Variants in CEP192 observed in about 807,000 individuals in gnomAD.
The protein encoded by CEP192 is centrosomal protein 192, also known as centrosomal protein of 192 kDa.
In CEP192, 151 loss-of-function variants were observed where a neutral mutation model predicts 271.8. The observed-to-expected ratio is 0.56, with a 90% CI of 0.49 to 0.64. The LOEUF is 0.64. CEP192 is among the 30% of genes least tolerant of loss of function. The pLI is 0.00. For synonymous variants in CEP192, 995 were observed against 1,076.5 expected, an observed-to-expected ratio of 0.92 and a Z score of 1.48; for missense variants, 2,910 against 3,020.5, an observed-to-expected ratio of 0.96 and a Z score of 0.86.
intron 1 of CEP192, among the ~76,000 whole-genome samples, chr18:12,994,073 C>T (rs2033059438): frequency 6.6e-6 from 1 of 152,316 alleles, no homozygotes; most frequent in Non-Finnish European, 1.5e-5. Flanking sequence ...CAGATACTTA[C>T]TGAGTACCTG....
At chr18:13,104,879 T>C in intron 39 of CEP192, 105 bp from the exon 40 acceptor site, 1 of 856,640 alleles carries the variant, frequency 1.2e-6, no homozygotes, top group Admixed American at 1.9e-5. Context: ...TGTCCACTGC[T>C]AAGTGTGTTG....
chr18:13,023,941 T>C (rs1339873075), intron 9 of CEP192, among the ~76,000 whole-genome samples: 2 of 152,226 alleles, frequency 1.3e-5, no homozygotes, highest in Non-Finnish European at 2.9e-5. Flanking sequence ...CGTGAGTTTT[T>C]TTCTGATAAG....
intron 9 of CEP192, among the ~76,000 whole-genome samples, chr18:13,027,525 C>T (rs757462446): frequency 7.9e-5 from 12 of 152,088 alleles, no homozygotes; most frequent in Non-Finnish European, 1.3e-4. Flanking sequence ...GGAGTATATC[C>T]CCTGGTATGT....
chr18:13,111,389 T>G (rs1232663367), intron 40 of CEP192, among the ~76,000 whole-genome samples: 1 of 152,182 alleles, frequency 6.6e-6, no homozygotes, highest in African/African-American at 2.4e-5. Flanking sequence ...CCTCCCAAAG[T>G]GCTGGGATTG....
At chr18:13,116,671 G>A (rs533041073) in intron 43 of CEP192, among the ~76,000 whole-genome samples, 168 bp downstream of exon 43, 1 of 152,216 alleles carries the variant, frequency 6.6e-6, no homozygotes, top group South Asian at 2.1e-4. Context: ...GTGCAGTGGT[G>A]CGATCTCGGC....
At chr18:13,073,642 C>T (rs475438) in intron 30 of CEP192, among the ~76,000 whole-genome samples, 62,226 of 151,926 alleles carry the variant, frequency 0.41, 12,816 homozygotes, top group Admixed American at 0.44. Flanking sequence ...GTTGGGAAGC[C>T]CAAGATTAGA....
intron 21 of CEP192, among the ~76,000 whole-genome samples, chr18:13,061,805 C>A (rs1269018216): frequency 2.6e-5 from 4 of 152,186 alleles, no homozygotes; most frequent in Non-Finnish European, 4.4e-5. Flanking sequence ...CGGCCCTGGC[C>A]TCTACCCACT....
intron 7 of CEP192, 121 bp from the exon 8 acceptor site, chr18:13,018,359 C>T (rs1486270521): frequency 7.1e-6 from 4 of 562,744 alleles, no homozygotes; most frequent in Non-Finnish European, 5.9e-6. Context: ...GTGACAATGG[C>T]GATTTTTCTA....
intron 38 of CEP192, 82 bp from the exon 39 acceptor site, chr18:13,103,427 T>G: frequency 3.0e-5 from 31 of 1,025,070 alleles, no homozygotes; most frequent in Non-Finnish European, 4.2e-5. Context: ...AACCCCAGTA[T>G]GAGGTAGTTA....
chr18:13,042,085 AT>A, intron 14 of CEP192, 118 bp from the exon 15 acceptor site: 1 of 729,968 alleles, frequency 1.4e-6, no homozygotes. Flanking sequence ...GGCAACTGAC[AT>A]TTGGGGTACA....
intron 30 of CEP192, among the ~76,000 whole-genome samples, chr18:13,078,299 A>C (rs2038397883): frequency 6.6e-6 from 1 of 152,174 alleles, no homozygotes; most frequent in South Asian, 2.1e-4. Flanking sequence ...TCTATGGTGT[A>C]TATGTGCCAC....
intron 33 of CEP192, among the ~76,000 whole-genome samples, chr18:13,090,681 C>G (rs1397907717): frequency 6.6e-6 from 1 of 152,098 alleles, no homozygotes; most frequent in African/African-American, 2.4e-5. Context: ...ATGGACTTGT[C>G]AGGAGTGTGC....
At chr18:13,105,456 A>T (rs2039906281) in intron 40 of CEP192, among the ~76,000 whole-genome samples, 1 of 152,244 alleles carries the variant, frequency 6.6e-6, no homozygotes, top group South Asian at 2.1e-4. Flanking sequence ...CCCTCCAGCT[A>T]CTATGACCCT....
In CEP192 at chr18:13,068,236, A is replaced by AG; in HGVS notation, c.4758+1dup. 1 of 1,614,012 alleles carries AG rather than the reference A, an allele frequency of 6.2e-7. No homozygotes were observed. Among genetic ancestry groups the AG allele is most frequent in the Non-Finnish European group, 8.5e-7 (1 of 1,179,822 alleles). On this transcript the variant is annotated frameshift_variant and splice_region_variant, in exon 23 of 45. Coordinates refer to ENST00000506447, the MANE Select transcript of CEP192 (RefSeq NM_032142.4). LOFTEE classifies it high-confidence loss of function. ...ATGATGCCTGCTAGTTATGATGGAC[A>AG]GGTGGGAGAGAACTGGCTTAGAATT...
chr18:13,071,818 A>G (rs894564607), intron 28 of CEP192, among the ~76,000 whole-genome samples: 2 of 152,160 alleles, frequency 1.3e-5, no homozygotes, highest in South Asian at 2.1e-4. Context: ...AAACAGTTAC[A>G]CTTCACTCAA....
intron 18 of CEP192, 137 bp downstream of exon 18, chr18:13,053,227 G>C: frequency 1.4e-6 from 1 of 734,394 alleles, no homozygotes; most frequent in Admixed American, 2.8e-5. Context: ...TTTTGTATTT[G>C]TGTGCACATA....
chr18:13,086,288 G>A (rs918656654), intron 30 of CEP192, among the ~76,000 whole-genome samples: 6 of 152,194 alleles, frequency 3.9e-5, no homozygotes, highest in Non-Finnish European at 7.3e-5. Flanking sequence ...GGACTGAGAC[G>A]ATGGGGTTTT....
intron 30 of CEP192, among the ~76,000 whole-genome samples, chr18:13,083,221 A>G (rs916872363): frequency 2.0e-5 from 3 of 152,208 alleles, no homozygotes; most frequent in African/African-American, 7.2e-5. Flanking sequence ...GTGTTTTCCA[A>G]CTTGGTTCCA....
intron 9 of CEP192, among the ~76,000 whole-genome samples, chr18:13,021,211 A>G (rs186015841): frequency 2.6e-4 from 39 of 152,286 alleles, no homozygotes; most frequent in Admixed American, 2.2e-3. Context: ...TTAGATTGTT[A>G]ATCTGTGACT....
Sources: gnomAD v4.1 joint callset for allele counts (sites outside exome capture counted in the v4.1 genomes callset) on GRCh38, gnomAD v4.1.1 for gene constraint, MANE v1.5 for transcripts, NCBI Gene and HGNC (gene_info 2026-07-23, HGNC 2026-07-21) for gene names.